The following SCFD2 variants were observed in gnomAD, a reference collection of about 807,000 sequenced individuals.
SCFD2 encodes the protein sec1 family domain-containing protein 2.
Under a neutral mutation model 58.9 loss-of-function variants are expected in SCFD2, and 54 were observed. That is an observed-to-expected ratio of 0.92 (90% CI 0.74 to 1.15). SCFD2 has a LOEUF of 1.15. Among genes scored for constraint, SCFD2 ranks in the 50% most tolerant of loss-of-function variants. The pLI, the probability that SCFD2 is intolerant of heterozygous loss-of-function variation, is 0.00. For synonymous variants in SCFD2, 321 were observed against 335.9 expected (o/e 0.96, Z 0.49); for missense variants, 805 against 836.6 (o/e 0.96, Z 0.47).
At position 53,057,756 on chromosome 4, in the gene SCFD2, A is replaced by G. The variant is rs964808585; in HGVS notation, c.1561+87577T>C. 2.0e-5 allele frequency among the ~76,000 whole-genome samples: 3 copies of G among 152,150 alleles called. No individual in the cohort carries two copies. The East Asian group carries it at 5.8e-4, about 29-fold the overall frequency. ...GAAAGAAGTAGGTATGTGCCATTCAAGATAGGGAGGGAGAATAATTAGAGG... is the reference window on the plus strand; with the variant it reads ...GAAAGAAGTAGGTATGTGCCATTCAGGATAGGGAGGGAGAATAATTAGAGG... On this transcript the variant is annotated intron_variant, in intron 5 of 8. Coordinates refer to ENST00000401642, the MANE Select transcript of SCFD2 (RefSeq NM_152540.4).
chr4:53,318,393 T>C (rs1560444622), intron 2 of SCFD2, among the ~76,000 whole-genome samples: 2 of 152,204 alleles, frequency 1.3e-5, no homozygotes, highest in Non-Finnish European at 2.9e-5. Context: ...ACTTATTAAA[T>C]GGTTGTACAA....
At chr4:53,298,620 G>C (rs555654311) in intron 3 of SCFD2, among the ~76,000 whole-genome samples, 1 of 152,326 alleles carries the variant, frequency 6.6e-6, no homozygotes, top group East Asian at 1.9e-4. Flanking sequence ...CACACAGCTT[G>C]AGATCTGAGA....
chr4:53,114,939 T>C (rs1444597781), intron 5 of SCFD2, among the ~76,000 whole-genome samples: 2 of 152,070 alleles, frequency 1.3e-5, no homozygotes, highest in African/African-American at 2.4e-5. Flanking sequence ...ATGTTAAGTA[T>C]GTGTATTCTA....
intron 4 of SCFD2, among the ~76,000 whole-genome samples, chr4:53,231,622 G>T (rs17082529): frequency 6.6e-6 from 1 of 151,958 alleles, no homozygotes; most frequent in African/African-American, 2.4e-5. Flanking sequence ...AATCAGGTGG[G>T]TGCCATTAAA....
intron 2 of SCFD2, among the ~76,000 whole-genome samples, chr4:53,349,424 C>T (rs920548283): frequency 1.6e-4 from 24 of 152,214 alleles, no homozygotes; most frequent in African/African-American, 2.9e-4. Flanking sequence ...CCACCTTCCA[C>T]GTGTTAGCAT....
chr4:53,263,922 A>G (rs1430116681), intron 4 of SCFD2, among the ~76,000 whole-genome samples: 4 of 152,114 alleles, frequency 2.6e-5, no homozygotes, highest in African/African-American at 9.7e-5. Context: ...AGGTGGGAGC[A>G]GGAATAGGTG....
At chr4:53,316,484 C>A (rs1341824694) in intron 2 of SCFD2, among the ~76,000 whole-genome samples, 1 of 152,196 alleles carries the variant, frequency 6.6e-6, no homozygotes, top group East Asian at 1.9e-4. Context: ...ATTTAAAGCA[C>A]TTTCCTGATT....
intron 5 of SCFD2, among the ~76,000 whole-genome samples, chr4:53,127,944 T>A (rs544786730): frequency 7.7e-6 from 1 of 130,326 alleles, no homozygotes; most frequent in Non-Finnish European, 1.6e-5. Flanking sequence ...CAGTTTTTTG[T>A]TTTTTTTTTT....
chr4:53,228,979 GACAA>G (rs1666125085), intron 4 of SCFD2, among the ~76,000 whole-genome samples: 2 of 152,176 alleles, frequency 1.3e-5, no homozygotes, highest in African/African-American at 2.4e-5. Flanking sequence ...ACCAATAACA[GACAA>G]ACAGAGAGCC....
chr4:53,361,686 A>C (rs1422092885), intron 1 of SCFD2, among the ~76,000 whole-genome samples: 2 of 152,230 alleles, frequency 1.3e-5, no homozygotes, highest in African/African-American at 4.8e-5. Context: ...ACACCCGGTA[A>C]GAAGTGGTTT....
intron 5 of SCFD2, among the ~76,000 whole-genome samples, chr4:53,032,690 C>A (rs1722644401): frequency 6.6e-6 from 1 of 152,108 alleles, no homozygotes; most frequent in African/African-American, 2.4e-5. Flanking sequence ...AACAGACTGA[C>A]TTTAAACCAA....
intron 1 of SCFD2, among the ~76,000 whole-genome samples, chr4:53,355,471 G>T (rs1156270708): frequency 1.3e-5 from 2 of 152,130 alleles, no homozygotes; most frequent in African/African-American, 4.8e-5. Context: ...CTTTTGACTA[G>T]GAAAGGGCAG....
At chr4:53,205,055 T>C (rs1458332518) in intron 4 of SCFD2, among the ~76,000 whole-genome samples, 1 of 151,932 alleles carries the variant, frequency 6.6e-6, no homozygotes, top group Non-Finnish European at 1.5e-5. Context: ...TACTAGACAA[T>C]GTCCTCTAAA....
At position 52,917,956 on chromosome 4, in the gene SCFD2, C is replaced by T. The variant is rs138692164; in HGVS notation, c.1707+2769G>A. Among the ~76,000 whole-genome samples the T allele has an allele frequency of 1.1e-4, 17 of 152,272 alleles. 1 individual carries two copies. The East Asian group carries it at 1.4e-3, about 12-fold the overall frequency. On this transcript the variant is annotated intron_variant, in intron 6 of 8. Transcript: ENST00000401642. Reference sequence around the variant, plus strand: ...TTAGTGCATGCGCATCACAGCAGGACGGAGGACCACTGGGAGGGAAGGTGG... The same window carrying T: ...TTAGTGCATGCGCATCACAGCAGGATGGAGGACCACTGGGAGGGAAGGTGG...
intron 2 of SCFD2, among the ~76,000 whole-genome samples, chr4:53,330,219 C>T (rs566177359): frequency 7.2e-5 from 11 of 152,064 alleles, no homozygotes; most frequent in Admixed American, 2.0e-4. Context: ...GGCAAGCCAA[C>T]GTTCAGATTC....
At chr4:52,932,455 A>G (rs888744380) in intron 5 of SCFD2, among the ~76,000 whole-genome samples, 5 of 152,150 alleles carry the variant, frequency 3.3e-5, no homozygotes, top group Admixed American at 2.6e-4. Context: ...TTCTTTAAAA[A>G]TCTTTTTTTT....
chr4:53,218,911 C>T (rs1374290167), intron 4 of SCFD2, among the ~76,000 whole-genome samples: 2 of 152,190 alleles, frequency 1.3e-5, no homozygotes, highest in East Asian at 1.9e-4. Flanking sequence ...CACTCCAGAC[C>T]CTGTTTGCCT....
At chr4:53,108,413 A>G (rs1375119135) in intron 5 of SCFD2, among the ~76,000 whole-genome samples, 1 of 152,200 alleles carries the variant, frequency 6.6e-6, no homozygotes, top group Non-Finnish European at 1.5e-5. Context: ...CCCTTAAAAA[A>G]TCAATAAATC....
At chr4:53,023,823 G>C (rs1722406131) in intron 5 of SCFD2, among the ~76,000 whole-genome samples, 4 of 152,160 alleles carry the variant, frequency 2.6e-5, no homozygotes. Context: ...GAAACCTGAA[G>C]ATGGACAGTA....
Sources: allele counts gnomAD v4.1 joint callset (sites outside exome capture counted in the v4.1 genomes callset), GRCh38; gene constraint gnomAD v4.1.1; transcripts MANE v1.5; gene names NCBI Gene and HGNC (gene_info 2026-07-23, HGNC 2026-07-21).